The following OPCML variants were observed in gnomAD, a reference collection of about 807,000 sequenced individuals.
The protein encoded by OPCML is opioid-binding protein/cell adhesion molecule.
A neutral mutation model predicts 37.8 loss-of-function variants in OPCML; 13 were observed. The ratio of observed to expected loss-of-function variants is 0.34; its 90% CI spans 0.22 to 0.55. The LOEUF is 0.55. OPCML is among the 20% of genes least tolerant of loss of function. The probability of loss-of-function intolerance (pLI) is 0.91; values close to 1 mark genes in which losing one functional copy is unlikely to be tolerated. For missense variants in OPCML, 341 were observed against 435.6 expected (o/e 0.78, Z 1.93); for synonymous variants, 176 against 168.8 (o/e 1.04, Z -0.33).
intron 1 of OPCML, among the ~76,000 whole-genome samples, chr11:133,390,554 T>A (rs533806516): frequency 6.6e-6 from 1 of 151,902 alleles, no homozygotes; most frequent in South Asian, 2.1e-4. Context: ...ACCACTGAAA[T>A]GAGAAAGGTC....
intron 2 of OPCML, among the ~76,000 whole-genome samples, chr11:132,942,509 G>A (rs1945612070): frequency 6.6e-6 from 1 of 152,166 alleles, no homozygotes; most frequent in Admixed American, 6.5e-5. Flanking sequence ...TCTCTGATAA[G>A]GGCTAGCCTG....
intron 1 of OPCML, among the ~76,000 whole-genome samples, chr11:133,184,836 G>C (rs1215662331): frequency 6.6e-6 from 1 of 152,186 alleles, no homozygotes; most frequent in Non-Finnish European, 1.5e-5. Flanking sequence ...TCCTAGGCAG[G>C]TGAATGATAG....
Position 132,599,734 on chromosome 11 carries a change from G to A in OPCML, c.379+57353C>T, listed in dbSNP as rs933452467. On this transcript the variant is annotated intron_variant, in intron 3 of 7. Transcript: ENST00000524381. ...GGAATCATACTGTACATATTGTTTT[G>A]TCATTTGTCTTTTTAAAACTTAACA... 2.0e-5 allele frequency among the ~76,000 whole-genome samples: 3 copies of A among 152,000 alleles called. 1 individual carries two copies. In the South Asian group the frequency reaches 6.2e-4, roughly 32 times the overall value.
chr11:132,582,845 G>GGTT (rs138990455), intron 3 of OPCML, among the ~76,000 whole-genome samples: 37,863 of 96,246 alleles, frequency 0.39, 7,656 homozygotes, highest in Non-Finnish European at 0.45. Flanking sequence ...TTTTGTTTAA[G>GGTT]GTTTTTTTTT....
At chr11:133,081,102 C>T (rs1215480970) in intron 1 of OPCML, among the ~76,000 whole-genome samples, 1 of 152,146 alleles carries the variant, frequency 6.6e-6, no homozygotes, top group Non-Finnish European at 1.5e-5. Flanking sequence ...GTAGCTATTC[C>T]TTGTAGGACA....
Position 133,517,934 on chromosome 11 carries a change from GGGT to G in OPCML, c.61+14327_61+14329del, listed in dbSNP as rs570621776. ...ACAGAATGGGCAAGGAGGATGACTG[GGGT>G]CCTAAATTTCTCCATTTCTGACACC... is the stretch of plus-strand genomic sequence containing the variant. On this transcript the variant is annotated intron_variant, in intron 1 of 7. Transcript: ENST00000524381. Among the ~76,000 whole-genome samples the G allele has an allele frequency of 1.7e-3, 259 of 152,270 alleles. 1 individual carries two copies. The highest frequency in any genetic ancestry group is 5.6e-3 in the African/African-American group (234 of 41,560).
intron 4 of OPCML, among the ~76,000 whole-genome samples, chr11:132,520,152 T>A (rs2096289242): frequency 6.6e-6 from 1 of 152,148 alleles, no homozygotes; most frequent in African/African-American, 2.4e-5. Flanking sequence ...GTATGGGTGA[T>A]GTTCAAAGCT....
intron 1 of OPCML, among the ~76,000 whole-genome samples, chr11:133,050,982 A>G (rs192699235): frequency 8.5e-4 from 129 of 152,110 alleles, no homozygotes; most frequent in Non-Finnish European, 1.5e-3. Flanking sequence ...GAATGTTAAA[A>G]TATTTTGCAT....
chr11:132,803,488 G>A (rs1938807174), intron 2 of OPCML, among the ~76,000 whole-genome samples: 1 of 152,190 alleles, frequency 6.6e-6, no homozygotes, highest in African/African-American at 2.4e-5. Flanking sequence ...CACCTCTGTA[G>A]TACTTAATGG....
chr11:132,716,416 A>G (rs11223182), intron 2 of OPCML, among the ~76,000 whole-genome samples: 4 of 14,460 alleles, frequency 2.8e-4, no homozygotes, highest in Non-Finnish European at 4.1e-4. Context: ...CTGTCTGTCT[A>G]TCTATCTATC....
At chr11:132,486,998 G>GTTGAATA (rs2096201999) in intron 4 of OPCML, among the ~76,000 whole-genome samples, 1 of 152,188 alleles carries the variant, frequency 6.6e-6, no homozygotes, top group Admixed American at 6.5e-5. Context: ...TTAGTGGGTA[G>GTTGAATA]TTGAATAAAT....
chr11:132,485,143 A>C (rs1393525165), intron 4 of OPCML, among the ~76,000 whole-genome samples: 1 of 152,156 alleles, frequency 6.6e-6, no homozygotes, highest in Non-Finnish European at 1.5e-5. Context: ...AGAGCTGTCC[A>C]AACTGACCTA....
At chr11:132,516,512 C>T (rs753191468) in intron 4 of OPCML, among the ~76,000 whole-genome samples, 9 of 152,098 alleles carry the variant, frequency 5.9e-5, no homozygotes, top group African/African-American at 2.2e-4. Context: ...AAATGTAAGT[C>T]ATTTGTGTTC....
intron 1 of OPCML, among the ~76,000 whole-genome samples, chr11:132,976,867 G>A (rs1448715232): frequency 2.0e-5 from 3 of 152,070 alleles, no homozygotes; most frequent in Non-Finnish European, 4.4e-5. Context: ...GTGTCTCCAC[G>A]GAATTCCTTA....
chr11:132,614,424 G>T (rs1005936592), intron 3 of OPCML, among the ~76,000 whole-genome samples: 4 of 152,164 alleles, frequency 2.6e-5, no homozygotes, highest in African/African-American at 9.7e-5. Flanking sequence ...AATAGGCCTT[G>T]CTTGAGGCTC....
chr11:132,424,843 T>G (rs1404848479), intron 7 of OPCML, among the ~76,000 whole-genome samples: 1 of 152,198 alleles, frequency 6.6e-6, no homozygotes, highest in Non-Finnish European at 1.5e-5. Flanking sequence ...GTCCCTTTCT[T>G]AGTGGAGACT....
Position 133,120,422 on chromosome 11 carries a change from A to C in OPCML, c.62-177412T>G, listed in dbSNP as rs147690851. Among the ~76,000 whole-genome samples, 4 of 152,298 alleles carry C rather than the reference A, an allele frequency of 2.6e-5. No homozygotes were observed. In the East Asian group the frequency reaches 7.7e-4, roughly 29 times the overall value. On this transcript the variant is annotated intron_variant, in intron 1 of 7. Coordinates refer to ENST00000524381, the MANE Select transcript of OPCML (RefSeq NM_001012393.5). ...TCATGGAGTTTAAAATCCACTTGGA[A>C]ACATACAAGAGCTAAGCTTTCCCGA...
Position 133,334,265 on chromosome 11 carries a change from G to A in OPCML, c.61+197999C>T, listed in dbSNP as rs552853722. Among the ~76,000 whole-genome samples, 12 of 152,188 alleles carry A rather than the reference G, an allele frequency of 7.9e-5. No homozygotes were observed. In the South Asian group the frequency reaches 1.2e-3, roughly 16 times the overall value. ...CTAAATGCCCATCAATGACAGATAC[G>A]GATAAAGAAAATGTGGTACATATAC... On this transcript the variant is annotated intron_variant, in intron 1 of 7. Coordinates refer to ENST00000524381, the MANE Select transcript of OPCML (RefSeq NM_001012393.5).
intron 1 of OPCML, among the ~76,000 whole-genome samples, chr11:133,125,528 T>A (rs1345223823): frequency 6.6e-6 from 1 of 150,666 alleles, no homozygotes; most frequent in East Asian, 1.9e-4. Flanking sequence ...TGTATTAGTG[T>A]TCTCCAGAGA....
Sources: gnomAD v4.1 joint callset for allele counts (sites outside exome capture counted in the v4.1 genomes callset) on GRCh38, gnomAD v4.1.1 for gene constraint, MANE v1.5 for transcripts, NCBI Gene and HGNC (gene_info 2026-07-23, HGNC 2026-07-21) for gene names.